The following DOCK10 variants were observed in gnomAD, a reference collection of about 807,000 sequenced individuals.
The protein encoded by DOCK10 is dedicator of cytokinesis 10.
Under a neutral mutation model 280.1 loss-of-function variants are expected in DOCK10, and 145 were observed. The observed-to-expected ratio is 0.52, with a 90% CI of 0.45 to 0.59. The LOEUF is 0.59. DOCK10 is among the 20% of genes least tolerant of loss of function. The pLI is 0.00. For synonymous variants in DOCK10, 915 were observed against 942.2 expected, an observed-to-expected ratio of 0.97 and a Z score of 0.53; for missense variants, 2,368 against 2,651.7, an observed-to-expected ratio of 0.89 and a Z score of 2.35.
At chr2:224,980,409 A>G (rs778671628) in intron 1 of DOCK10, among the ~76,000 whole-genome samples, 4 of 152,254 alleles carry the variant, frequency 2.6e-5, no homozygotes, top group South Asian at 4.1e-4. Context: ...TAGCATTTCC[A>G]TAACAACAAC....
rs1251570753 is a variant in DOCK10 at position 224,874,100 on chromosome 2, G to A, written c.1153C>T (p.Pro385Ser). 1.2e-6 allele frequency: 2 copies of A among 1,610,672 alleles called. No individual in the cohort carries two copies. The highest frequency in any genetic ancestry group is 2.2e-5 in the East Asian group (1 of 44,854). The change falls in exon 11 of 56, where the codon CCA (proline) becomes TCA (serine). Residue 385 changes from proline to serine, a missense_variant. By Grantham distance (74) the Pro-to-Ser change is moderately conservative. Around this residue, in one of 2 missense-constraint regions of DOCK10, gnomAD observed 1,209 missense variants for 1,250.9 expected, o/e 0.97. Transcript: ENST00000258390. ...CTCTTGGCAGCTTTTTCTTCAAATG[G>A]TTTGATCACAGACTCAGGTTCCAAG... is the stretch of plus-strand genomic sequence containing the variant. ...DLLEPESVIK[P>S]FEEKAAKRIM...
chr2:224,930,118 C>T (rs67469935), intron 2 of DOCK10, among the ~76,000 whole-genome samples: 44,099 of 150,464 alleles, frequency 0.29, 7,047 homozygotes, highest in Middle Eastern at 0.36. Context: ...GGAGAATCAC[C>T]TGAACCCAGG....
intron 3 of DOCK10, among the ~76,000 whole-genome samples, chr2:224,914,324 G>A (rs1701196522): frequency 6.6e-6 from 1 of 152,028 alleles, no homozygotes; most frequent in African/African-American, 2.4e-5. Context: ...TTTAAAGCTA[G>A]CATCTCTCTA....
At chr2:224,868,374 T>G (rs1698061955) in intron 11 of DOCK10, among the ~76,000 whole-genome samples, 1 of 152,196 alleles carries the variant, frequency 6.6e-6, no homozygotes, top group African/African-American at 2.4e-5. Flanking sequence ...TGCACATATA[T>G]GTAGTTACAC....
intron 40 of DOCK10, among the ~76,000 whole-genome samples, chr2:224,800,881 C>T (rs1230820269): frequency 2.6e-5 from 4 of 152,072 alleles, no homozygotes; most frequent in African/African-American, 7.2e-5. Context: ...AGACATCAAT[C>T]AATACGTGTA....
At chr2:224,960,924 G>C (rs1294587208) in intron 1 of DOCK10, among the ~76,000 whole-genome samples, 2 of 151,954 alleles carry the variant, frequency 1.3e-5, no homozygotes, top group Non-Finnish European at 2.9e-5. Flanking sequence ...ATTTTTAGTA[G>C]AGACGGGGTT....
At chr2:224,922,291 T>C (rs772285683) in intron 2 of DOCK10, among the ~76,000 whole-genome samples, 43 of 152,176 alleles carry the variant, frequency 2.8e-4, no homozygotes, top group Non-Finnish European at 5.3e-4. Context: ...GGTTTTAATA[T>C]GGTTACAAAG....
At chr2:224,824,844 A>G (rs374290969) in intron 27 of DOCK10, among the ~76,000 whole-genome samples, 90 of 152,222 alleles carry the variant, frequency 5.9e-4, no homozygotes, top group African/African-American at 2.0e-3. Context: ...TGAACTGTGT[A>G]TTTCTAAATT....
At chr2:224,939,677 TGATGA>T (rs2126064749) in intron 1 of DOCK10, among the ~76,000 whole-genome samples, 1 of 152,358 alleles carries the variant, frequency 6.6e-6, no homozygotes, top group African/African-American at 2.4e-5. Flanking sequence ...ATGAAGCCTG[TGATGA>T]GAGCTGTCAC....
intron 1 of DOCK10, among the ~76,000 whole-genome samples, chr2:224,965,870 T>A (rs1704709960): frequency 6.6e-6 from 1 of 152,206 alleles, no homozygotes; most frequent in Admixed American, 6.5e-5. Context: ...AACTCTGTAT[T>A]TTTCTTCTCA....
At chr2:224,835,245 A>G (rs1177043897) in intron 25 of DOCK10, among the ~76,000 whole-genome samples, 1 of 152,236 alleles carries the variant, frequency 6.6e-6, no homozygotes, top group Non-Finnish European at 1.5e-5. Context: ...GTTATACCTC[A>G]GATGTGAGTA....
At chr2:224,773,925 G>A (rs919260636) in intron 52 of DOCK10, among the ~76,000 whole-genome samples, 8 of 152,086 alleles carry the variant, frequency 5.3e-5, no homozygotes, top group East Asian at 3.9e-4. Flanking sequence ...CACCGCACCC[G>A]GCCAGCCTTT....
In DOCK10 at chr2:224,993,494, C is replaced by T. The variant is rs537807377; in HGVS notation, c.123+48758G>A. 5.3e-5 allele frequency among the ~76,000 whole-genome samples: 8 copies of T among 152,306 alleles called. No individual in the cohort carries two copies. In the South Asian group the frequency reaches 1.7e-3, roughly 32 times the overall value. The stretch of plus-strand genomic sequence containing the variant: ...CACAGCAGCTCACGAAGTGAGTCAA[C>T]TGTGCCTTCCATTGCAGGGTGGCAT... On this transcript the variant is annotated intron_variant, in intron 1 of 55. Transcript: ENST00000258390.
At chr2:225,012,285 C>T (rs1689465197) in intron 1 of DOCK10, among the ~76,000 whole-genome samples, 1 of 152,160 alleles carries the variant, frequency 6.6e-6, no homozygotes, top group Non-Finnish European at 1.5e-5. Context: ...ATCGCATATG[C>T]TCCTTTCACA....
intron 1 of DOCK10, among the ~76,000 whole-genome samples, chr2:225,034,746 A>C (rs1220447953): frequency 6.6e-6 from 1 of 152,208 alleles, no homozygotes; most frequent in Non-Finnish European, 1.5e-5. Flanking sequence ...TTGGAAGACA[A>C]ACAAGAAATG....
At chr2:224,803,998 ATATG>A (rs1693197030) in intron 39 of DOCK10, 110 bp downstream of exon 39, 2 of 572,358 alleles carry the variant, frequency 3.5e-6, no homozygotes, top group African/African-American at 2.7e-5. Context: ...ATAAATAGAA[ATATG>A]TGTGTGTGTG....
intron 2 of DOCK10, among the ~76,000 whole-genome samples, chr2:224,921,039 G>C (rs1440817884): frequency 1.4e-5 from 2 of 139,954 alleles, no homozygotes; most frequent in Non-Finnish European, 3.0e-5. Flanking sequence ...CAGACCAATT[G>C]AGGTCAAGAG....
chr2:224,938,933 A>G (rs556402044), intron 1 of DOCK10, among the ~76,000 whole-genome samples: 2 of 152,218 alleles, frequency 1.3e-5, no homozygotes, highest in Non-Finnish European at 2.9e-5. Flanking sequence ...AGAATAAGCC[A>G]TCTTACACTA....
At chr2:224,936,795 A>T (rs1414937415) in intron 1 of DOCK10, among the ~76,000 whole-genome samples, 1 of 152,166 alleles carries the variant, frequency 6.6e-6, no homozygotes, top group Non-Finnish European at 1.5e-5. Flanking sequence ...TACAATGAAC[A>T]TGTATTGCTT....
Sources: allele counts gnomAD v4.1 joint callset (sites outside exome capture counted in the v4.1 genomes callset), GRCh38; gene constraint gnomAD v4.1.1; regional missense constraint gnomAD v4.1.1; transcripts MANE v1.5; gene names NCBI Gene and HGNC (gene_info 2026-07-23, HGNC 2026-07-21).